PABPC4L: variants seen among roughly 807,000 people sequenced by gnomAD.
PABPC4L encodes polyadenylate-binding protein 4-like.
For synonymous variants in PABPC4L, 169 were observed against 164.1 expected (o/e 1.03, Z -0.23); for missense variants, 452 against 451.4 (o/e 1.00, Z -0.01).
the PABPC4L span, among the ~76,000 whole-genome samples, chr4:134,091,963 G>T: frequency 6.6e-6 from 1 of 151,722 alleles, no homozygotes; most frequent in African/African-American, 2.4e-5. Context: ...TTATTTTTTG[G>T]GTACTGTTTT....
the PABPC4L span, among the ~76,000 whole-genome samples, chr4:134,118,919 G>A: frequency 6.6e-6 from 1 of 151,454 alleles, no homozygotes; most frequent in Admixed American, 6.6e-5. Context: ...GCAAATTATT[G>A]GCATCTCAAA....
the PABPC4L span, among the ~76,000 whole-genome samples, chr4:134,145,651 C>A: frequency 6.6e-6 from 1 of 151,788 alleles, no homozygotes; most frequent in Non-Finnish European, 1.5e-5. Context: ...GAGAAAAGTA[C>A]ATAAGGGCCA....
chr4:134,178,121 A>G, the PABPC4L span, among the ~76,000 whole-genome samples: 2 of 152,124 alleles, frequency 1.3e-5, no homozygotes, highest in East Asian at 1.9e-4. Context: ...ACAACCTTGT[A>G]TTTCCCCAGG....
the PABPC4L span, among the ~76,000 whole-genome samples, chr4:134,098,516 T>A: frequency 6.6e-6 from 1 of 151,710 alleles, no homozygotes; most frequent in African/African-American, 2.4e-5. Flanking sequence ...AGATTTTGGT[T>A]AAATTTTCAA....
chr4:134,084,009 A>G, the PABPC4L span, among the ~76,000 whole-genome samples: 2 of 152,152 alleles, frequency 1.3e-5, no homozygotes, highest in African/African-American at 4.8e-5. Context: ...TTGTGAAATC[A>G]TAAGAACACT....
downstream of PABPC4L, among the ~76,000 whole-genome samples, chr4:134,195,050 TATAA>T (rs2126195997): frequency 6.6e-6 from 1 of 151,856 alleles, no homozygotes; most frequent in South Asian, 2.1e-4. Context: ...ATCTATACAA[TATAA>T]ATGTCATTTG....
At chr4:134,136,194 G>T in the PABPC4L span, among the ~76,000 whole-genome samples, 1 of 152,184 alleles carries the variant, frequency 6.6e-6, no homozygotes, top group Admixed American at 6.5e-5. Flanking sequence ...TAGATGTAGT[G>T]GTTAAGTAGA....
At chr4:134,175,115 T>C in the PABPC4L span, among the ~76,000 whole-genome samples, 2 of 152,098 alleles carry the variant, frequency 1.3e-5, no homozygotes, top group African/African-American at 4.8e-5. Context: ...TAGTAAAACA[T>C]GACAGTGATA....
chr4:134,087,884 C>CGT, the PABPC4L span, among the ~76,000 whole-genome samples: 1 of 152,106 alleles, frequency 6.6e-6, no homozygotes, highest in African/African-American at 2.4e-5. Context: ...ATGGGACATA[C>CGT]ATTCTACGTT....
At chr4:134,180,941 T>C in the PABPC4L span, among the ~76,000 whole-genome samples, 2 of 151,880 alleles carry the variant, frequency 1.3e-5, no homozygotes, top group African/African-American at 2.4e-5. Flanking sequence ...AACCCACTTC[T>C]ACGAGATAAA....
the PABPC4L span, among the ~76,000 whole-genome samples, chr4:133,949,354 C>A: frequency 6.6e-6 from 1 of 152,018 alleles, no homozygotes; most frequent in Non-Finnish European, 1.5e-5. Flanking sequence ...GGGGTGGAGG[C>A]CCTAGTTATG....
chr4:134,154,024 C>G, the PABPC4L span, among the ~76,000 whole-genome samples: 1 of 151,612 alleles, frequency 6.6e-6, no homozygotes, highest in Non-Finnish European at 1.5e-5. Context: ...ATAAATGAAA[C>G]GCGTCCCTAA....
the PABPC4L span, among the ~76,000 whole-genome samples, chr4:134,156,705 G>A: frequency 1.3e-5 from 2 of 151,612 alleles, no homozygotes; most frequent in African/African-American, 4.8e-5. Flanking sequence ...AAATATTTCA[G>A]TAATAAAGTC....
At chr4:134,037,105 C>T in the PABPC4L span, among the ~76,000 whole-genome samples, 1 of 150,786 alleles carries the variant, frequency 6.6e-6, no homozygotes, top group Non-Finnish European at 1.5e-5. Context: ...TTATTATTTT[C>T]GTATAGGATT....
the PABPC4L span, among the ~76,000 whole-genome samples, chr4:134,177,100 C>A: frequency 1.5e-4 from 23 of 151,982 alleles, no homozygotes; most frequent in Admixed American, 2.6e-4. Context: ...TGCCTGCCCA[C>A]TCCTGCCACA....
At chr4:134,108,027 T>C in the PABPC4L span, among the ~76,000 whole-genome samples, 5 of 151,512 alleles carry the variant, frequency 3.3e-5, no homozygotes, top group Admixed American at 2.6e-4. Context: ...AAAAAGACCA[T>C]TTACTATATA....
chr4:134,192,636 A>G (rs921218213), downstream of PABPC4L, among the ~76,000 whole-genome samples: 4 of 152,150 alleles, frequency 2.6e-5, no homozygotes, highest in African/African-American at 9.6e-5. Flanking sequence ...TCATGGTGAA[A>G]GAATAAATAA....
At chr4:133,972,815 G>C in the PABPC4L span, among the ~76,000 whole-genome samples, 6 of 152,166 alleles carry the variant, frequency 3.9e-5, no homozygotes, top group Admixed American at 3.9e-4. Context: ...CTGGGGTAAA[G>C]GGCCCTAGCA....
chr4:134,063,656 TA>T, the PABPC4L span, among the ~76,000 whole-genome samples: 16 of 152,130 alleles, frequency 1.1e-4, 1 homozygote, highest in South Asian at 3.3e-3. Flanking sequence ...GTACTATTTT[TA>T]AAAAGGAAAC....
Sources: allele counts gnomAD v4.1 joint callset (sites outside exome capture counted in the v4.1 genomes callset), GRCh38; gene constraint gnomAD v4.1.1; transcripts MANE v1.5; gene names NCBI Gene and HGNC (gene_info 2026-07-23, HGNC 2026-07-21).